TENM4: variants seen among roughly 807,000 people sequenced by gnomAD.
TENM4 encodes teneurin transmembrane protein 4.
Under a neutral mutation model 243.3 loss-of-function variants are expected in TENM4, and 82 were observed. The observed-to-expected ratio is 0.34, with a 90% CI of 0.28 to 0.40. The LOEUF (loss-of-function observed/expected upper bound fraction) is 0.40, where lower values mean the gene tolerates loss of function less well. Among genes scored for constraint, TENM4 ranks in the 10% least tolerant of loss-of-function variants. The probability of loss-of-function intolerance (pLI) is 1.00; values close to 1 mark genes in which losing one functional copy is unlikely to be tolerated. For synonymous variants in TENM4, 1,412 were observed against 1,456.3 expected (o/e 0.97, Z 0.69); for missense variants, 3,138 against 3,673.3 (o/e 0.85, Z 3.77).
chr11:78,878,966 A>C (rs1859340011), intron 9 of TENM4, among the ~76,000 whole-genome samples: 1 of 152,254 alleles, frequency 6.6e-6, no homozygotes, highest in African/African-American at 2.4e-5. Context: ...GAATTGTGTC[A>C]GTACTTGAAA....
At chr11:79,141,899 T>C (rs1463266271) in intron 4 of TENM4, among the ~76,000 whole-genome samples, 4 of 152,118 alleles carry the variant, frequency 2.6e-5, no homozygotes, top group Non-Finnish European at 5.9e-5. Context: ...GAAAATCATA[T>C]AATCATTTCA....
chr11:79,367,873 G>A (rs866414144), intron 1 of TENM4, among the ~76,000 whole-genome samples: 1 of 152,182 alleles, frequency 6.6e-6, no homozygotes, highest in Non-Finnish European at 1.5e-5. Flanking sequence ...TGGCAGGGTG[G>A]TGGGGTCTTT....
intron 1 of TENM4, among the ~76,000 whole-genome samples, chr11:79,346,883 T>C (rs1377483235): frequency 6.6e-6 from 1 of 152,168 alleles, no homozygotes; most frequent in African/African-American, 2.4e-5. Flanking sequence ...GTTGAACAAA[T>C]GTAAAAGATC....
intron 1 of TENM4, chr11:79,439,158 A>G (rs1206868294): frequency 7.5e-6 from 1 of 132,492 alleles, no homozygotes; most frequent in Non-Finnish European, 1.6e-5. Flanking sequence ...TGGAATCCCG[A>G]GCTTGCCCCA....
intron 10 of TENM4, among the ~76,000 whole-genome samples, chr11:78,859,218 G>A (rs1858755864): frequency 6.6e-6 from 1 of 152,078 alleles, no homozygotes; most frequent in Non-Finnish European, 1.5e-5. Flanking sequence ...AAGATCATTT[G>A]TATGAATTAG....
chr11:79,302,475 T>C (rs763407506), intron 1 of TENM4, among the ~76,000 whole-genome samples: 108 of 152,238 alleles, frequency 7.1e-4, no homozygotes, highest in Non-Finnish European at 1.4e-3. Context: ...TTTCAAATTA[T>C]ATATTATATC....
chr11:78,904,955 G>C (rs1856031152), intron 6 of TENM4, among the ~76,000 whole-genome samples: 1 of 152,180 alleles, frequency 6.6e-6, no homozygotes. Flanking sequence ...GTGGTGAAGA[G>C]GCCAAGAAAT....
chr11:79,125,350 G>A (rs1198976548), intron 4 of TENM4, among the ~76,000 whole-genome samples: 1 of 152,170 alleles, frequency 6.6e-6, no homozygotes, highest in East Asian at 1.9e-4. Flanking sequence ...GGCTTCAGAA[G>A]CAGATAGTGA....
At chr11:79,111,195 C>T (rs769233261) in intron 4 of TENM4, among the ~76,000 whole-genome samples, 6 of 152,148 alleles carry the variant, frequency 3.9e-5, no homozygotes, top group Admixed American at 1.3e-4. Flanking sequence ...ATGTGCCTTT[C>T]GCCTTCCACC....
At chr11:79,288,803 C>G (rs1175156852) in intron 2 of TENM4, among the ~76,000 whole-genome samples, 2 of 151,636 alleles carry the variant, frequency 1.3e-5, no homozygotes, top group Non-Finnish European at 2.9e-5. Context: ...AAATATAAAA[C>G]TAGGGGGAAG....
At chr11:78,661,168 G>C (rs1858020787) in intron 33 of TENM4, among the ~76,000 whole-genome samples, 1 of 152,162 alleles carries the variant, frequency 6.6e-6, no homozygotes, top group African/African-American at 2.4e-5. Context: ...CTTTTGTTCT[G>C]GATAGTGACC....
At chr11:78,867,315 G>A (rs574845693) in intron 9 of TENM4, among the ~76,000 whole-genome samples, 45 of 152,024 alleles carry the variant, frequency 3.0e-4, no homozygotes, top group African/African-American at 1.1e-3. Flanking sequence ...GAATTCAATT[G>A]TTTCAATTTT....
intron 3 of TENM4, among the ~76,000 whole-genome samples, chr11:79,163,865 T>C (rs1436201568): frequency 6.9e-6 from 1 of 145,274 alleles, no homozygotes; most frequent in East Asian, 2.0e-4. Context: ...TACACACATA[T>C]ATACACATAT....
chr11:79,262,883 T>C (rs1052079665), intron 2 of TENM4, among the ~76,000 whole-genome samples: 3 of 152,228 alleles, frequency 2.0e-5, no homozygotes, highest in Non-Finnish European at 2.9e-5. Flanking sequence ...AGGTGACTAA[T>C]AGAGGCAGTG....
chr11:78,991,338 G>A (rs962137751), intron 6 of TENM4, among the ~76,000 whole-genome samples: 1 of 152,004 alleles, frequency 6.6e-6, no homozygotes, highest in Non-Finnish European at 1.5e-5. Context: ...GCCTCTTGTT[G>A]ATAGGAAGGA....
chr11:79,323,437 T>C (rs973052614), intron 1 of TENM4, among the ~76,000 whole-genome samples: 1 of 152,184 alleles, frequency 6.6e-6, no homozygotes, highest in African/African-American at 2.4e-5. Context: ...ATTCCCTGGG[T>C]TGGGGGACTC....
chr11:79,395,196 T>A (rs568083), intron 1 of TENM4, among the ~76,000 whole-genome samples: 1 of 152,000 alleles, frequency 6.6e-6, no homozygotes, highest in Non-Finnish European at 1.5e-5. Context: ...CTCCCTGAAT[T>A]CCTACATCTC....
In TENM4 at chr11:78,670,126, C is replaced by T. The variant is rs769331668; in HGVS notation, c.6219G>A (p.Glu2073=). 1.9e-6 allele frequency: 3 copies of T among 1,613,908 alleles called. No homozygotes were observed. Among genetic ancestry groups the T allele is most frequent in the East Asian group, 4.5e-5 (2 of 44,868 alleles). ...LIDRQIFRFT[E]EGMVNARFDY... ...CAAAACGGGCGTTGACCATGCCTTCCTCAGTGAAGCGGAAGATCTGTCGGT... is the reference window on the plus strand; with the variant it reads ...CAAAACGGGCGTTGACCATGCCTTCTTCAGTGAAGCGGAAGATCTGTCGGT... Residue 2073 remains glutamate, a synonymous_variant, in exon 32 of 34, where the codon GAG becomes GAA. Coordinates refer to ENST00000278550, the MANE Select transcript of TENM4 (RefSeq NM_001098816.3).
intron 29 of TENM4, among the ~76,000 whole-genome samples, chr11:78,684,230 T>G (rs1333928600): frequency 1.2e-4 from 19 of 152,248 alleles, no homozygotes; most frequent in Admixed American, 1.1e-3. Flanking sequence ...GCCAGGCTAC[T>G]TCAGCTCAGG....
Sources: allele counts gnomAD v4.1 joint callset (sites outside exome capture counted in the v4.1 genomes callset), GRCh38; gene constraint gnomAD v4.1.1; transcripts MANE v1.5; gene names NCBI Gene and HGNC (gene_info 2026-07-23, HGNC 2026-07-21).